The following IL1RAPL1 variants were observed in gnomAD, a reference collection of about 807,000 sequenced individuals.
IL1RAPL1 encodes interleukin-1 receptor accessory protein-like 1.
A neutral mutation model predicts 48.4 loss-of-function variants in IL1RAPL1; 3 were observed. The ratio of observed to expected loss-of-function variants is 0.06; its 90% CI spans 0.03 to 0.16. The LOEUF (loss-of-function observed/expected upper bound fraction) is 0.16. Ranked by LOEUF, IL1RAPL1 falls within the 10% of genes least tolerant of loss-of-function variation. The probability of loss-of-function intolerance (pLI) is 1.00; values close to 1 mark genes in which losing one functional copy is unlikely to be tolerated. For missense variants in IL1RAPL1, 349 were observed against 530.6 expected (o/e 0.66, Z 3.36); for synonymous variants, 185 against 187.7 (o/e 0.99, Z 0.12).
chrX:28,744,582 A>G (rs774928989), intron 1 of IL1RAPL1, among the ~76,000 whole-genome samples: 505 of 111,625 alleles, frequency 4.5e-3, no homozygotes, highest in Non-Finnish European at 7.0e-3. Flanking sequence ...CTGTGTGTCT[A>G]TACTCAAAAT....
chrX:29,238,554 T>A (rs1404955459), intron 2 of IL1RAPL1, among the ~76,000 whole-genome samples: 1 of 111,224 alleles, frequency 9.0e-6, no homozygotes, highest in African/African-American at 3.3e-5. Context: ...TGCTTTACTG[T>A]TTACTCGATT....
chrX:28,957,645 C>T (rs772339627), intron 2 of IL1RAPL1, among the ~76,000 whole-genome samples: 70 of 109,674 alleles, frequency 6.4e-4, no homozygotes, highest in African/African-American at 2.3e-3. Flanking sequence ...ACTTGTAGAA[C>T]GGGATTTAGT....
chrX:28,988,163 T>C (rs778599895), intron 2 of IL1RAPL1, among the ~76,000 whole-genome samples: 1 of 110,614 alleles, frequency 9.0e-6, no homozygotes, highest in Non-Finnish European at 1.9e-5. Flanking sequence ...ACGAATGGAG[T>C]GAAAGAAAAT....
At chrX:29,284,803 C>G in intron 3 of IL1RAPL1, among the ~76,000 whole-genome samples, 1 of 111,945 alleles carries the variant, frequency 8.9e-6, no homozygotes, top group Non-Finnish European at 1.9e-5. Flanking sequence ...TCTTCTTTCT[C>G]TTAGGGTTTA....
intron 6 of IL1RAPL1, among the ~76,000 whole-genome samples, chrX:29,767,330 C>T (rs958462734): frequency 4.5e-5 from 5 of 111,926 alleles, no homozygotes; most frequent in Admixed American, 2.9e-4. Flanking sequence ...ACATTTTCTC[C>T]GACTCATTTG....
At chrX:28,828,375 G>A (rs1287306162) in intron 2 of IL1RAPL1, among the ~76,000 whole-genome samples, 2 of 111,507 alleles carry the variant, frequency 1.8e-5, no homozygotes, top group African/African-American at 6.5e-5. Context: ...TCCTTTCCAT[G>A]TGCTTATTGC....
chrX:29,945,223 T>A (rs902609112), intron 9 of IL1RAPL1, among the ~76,000 whole-genome samples: 3 of 111,951 alleles, frequency 2.7e-5, no homozygotes, highest in Admixed American at 9.5e-5. Context: ...CTATACATGC[T>A]TTTATGGTCA....
intron 5 of IL1RAPL1, among the ~76,000 whole-genome samples, chrX:29,450,650 T>C (rs1934668742): frequency 8.9e-6 from 1 of 111,913 alleles, no homozygotes; most frequent in Non-Finnish European, 1.9e-5. Context: ...AGCTAAATCA[T>C]ATCCAATCAT....
At chrX:29,489,644 C>T (rs1050835473) in intron 5 of IL1RAPL1, among the ~76,000 whole-genome samples, 2 of 111,243 alleles carry the variant, frequency 1.8e-5, no homozygotes, top group South Asian at 3.8e-4. Context: ...AGTAATCCAC[C>T]GAATTACATC....
chrX:29,699,784 T>C (rs1022134314), intron 6 of IL1RAPL1, among the ~76,000 whole-genome samples: 2 of 112,513 alleles, frequency 1.8e-5, no homozygotes, highest in East Asian at 5.5e-4. Flanking sequence ...AGATTCTTTG[T>C]GAGTGGCTAC....
chrX:29,646,330 G>T (rs1925325397), intron 5 of IL1RAPL1, among the ~76,000 whole-genome samples: 1 of 111,453 alleles, frequency 9.0e-6, no homozygotes, highest in Non-Finnish European at 1.9e-5. Flanking sequence ...GCAACAGAGA[G>T]AATCAACAAA....
chrX:28,830,743 A>G (rs1251770165), intron 2 of IL1RAPL1, among the ~76,000 whole-genome samples: 1 of 110,416 alleles, frequency 9.1e-6, no homozygotes, highest in Non-Finnish European at 1.9e-5. Context: ...TTTTTGTTCA[A>G]CATGGGACAC....
chrX:29,184,200 C>T (rs1296520646), intron 2 of IL1RAPL1, among the ~76,000 whole-genome samples: 3 of 111,177 alleles, frequency 2.7e-5, no homozygotes, highest in African/African-American at 9.8e-5. Flanking sequence ...TTCCATTTCT[C>T]ATTTCTAGCC....
intron 1 of IL1RAPL1, among the ~76,000 whole-genome samples, chrX:28,694,617 C>G (rs959250464): frequency 9.0e-6 from 1 of 111,333 alleles, no homozygotes; most frequent in Non-Finnish European, 1.9e-5. Flanking sequence ...TTTCGTAGGA[C>G]AATTCAAAAA....
intron 5 of IL1RAPL1, among the ~76,000 whole-genome samples, chrX:29,406,440 A>C (rs1163175384): frequency 1.8e-5 from 2 of 110,621 alleles, no homozygotes; most frequent in Non-Finnish European, 3.8e-5. Context: ...TTAACATTGC[A>C]ATCTCTCTTC....
intron 6 of IL1RAPL1, among the ~76,000 whole-genome samples, chrX:29,853,674 T>C (rs1257818661): frequency 8.9e-6 from 1 of 112,183 alleles, no homozygotes; most frequent in Non-Finnish European, 1.9e-5. Context: ...AACTTGATTA[T>C]AAATCTTTTT....
chrX:29,700,267 A>G (rs1927016697), intron 6 of IL1RAPL1, among the ~76,000 whole-genome samples: 1 of 112,353 alleles, frequency 8.9e-6, no homozygotes, highest in Admixed American at 9.5e-5. Flanking sequence ...ACTAGAGTCT[A>G]ATAGAAATTA....
intron 2 of IL1RAPL1, among the ~76,000 whole-genome samples, chrX:28,864,818 T>C (rs1468150311): frequency 9.0e-6 from 1 of 111,368 alleles, no homozygotes; most frequent in East Asian, 2.8e-4. Context: ...ATGAGATGGC[T>C]GTGGGTAGGG....
chrX:29,939,732 TTTC>T (rs1482783627), intron 8 of IL1RAPL1, among the ~76,000 whole-genome samples: 5 of 112,333 alleles, frequency 4.5e-5, no homozygotes, highest in African/African-American at 1.6e-4. Flanking sequence ...TAAATAAGAT[TTTC>T]TTCAATTTCC....
Sources: gnomAD v4.1 joint callset for allele counts (sites outside exome capture counted in the v4.1 genomes callset) on GRCh38, gnomAD v4.1.1 for gene constraint, MANE v1.5 for transcripts, NCBI Gene and HGNC (gene_info 2026-07-23, HGNC 2026-07-21) for gene names.